Variants in DNAH3 observed in about 807,000 individuals in gnomAD.
DNAH3 encodes the protein axonemal beta dynein heavy chain 3.
In DNAH3, 332 loss-of-function variants were observed where a neutral mutation model predicts 432.5. That is an observed-to-expected ratio of 0.77 (90% CI 0.70 to 0.84). The LOEUF is 0.84. Ranked by LOEUF, DNAH3 falls within the 40% of genes least tolerant of loss-of-function variation. The pLI, the probability that DNAH3 is intolerant of heterozygous loss-of-function variation, is 0.00. For synonymous variants in DNAH3, 1,956 were observed against 1,900.2 expected (o/e 1.03, Z -0.76); for missense variants, 4,861 against 5,114.0 (o/e 0.95, Z 1.51).
At chr16:21,018,729 T>A (rs137943846) in intron 41 of DNAH3, among the ~76,000 whole-genome samples, 5,560 of 152,082 alleles carry the variant, frequency 0.037, 343 homozygotes, top group African/African-American at 0.13. Context: ...ACCCCATCTC[T>A]ACTAAAAATA....
At chr16:21,045,257 T>A (rs900550607) in intron 31 of DNAH3, among the ~76,000 whole-genome samples, 2 of 151,780 alleles carry the variant, frequency 1.3e-5, no homozygotes, top group Admixed American at 1.3e-4. Flanking sequence ...TGGTACCAGT[T>A]CCTCCTTGTA....
chr16:21,054,918 C>G (rs1186230414), intron 27 of DNAH3, among the ~76,000 whole-genome samples: 1 of 151,870 alleles, frequency 6.6e-6, no homozygotes, highest in Non-Finnish European at 1.5e-5. Flanking sequence ...ATTGTGATGG[C>G]CTACACAAAT....
chr16:21,118,839 A>G (rs1371769700), intron 11 of DNAH3, among the ~76,000 whole-genome samples: 1 of 152,170 alleles, frequency 6.6e-6, no homozygotes, highest in African/African-American at 2.4e-5. Context: ...TCTCACTTGC[A>G]TGGCTCATGC....
At chr16:20,966,006 C>A (rs573062336) in intron 52 of DNAH3, among the ~76,000 whole-genome samples, 2 of 141,256 alleles carry the variant, frequency 1.4e-5, no homozygotes, top group African/African-American at 2.8e-5. Context: ...AGCCACCATG[C>A]CCAGCCAATT....
At position 21,029,221 on chromosome 16, in the gene DNAH3, A is replaced by G. The variant is rs138082548; in HGVS notation, c.5439+1824T>C. ...ACATTTCCATTTTTGAATATTATATAATCAAAATTATGCACATGCTATAAT... is the reference window on the plus strand; with the variant it reads ...ACATTTCCATTTTTGAATATTATATGATCAAAATTATGCACATGCTATAAT... On this transcript the variant is annotated intron_variant, in intron 37 of 61. Coordinates refer to ENST00000261383, the Ensembl canonical transcript of DNAH3. 4.1e-3 allele frequency among the ~76,000 whole-genome samples: 629 copies of G among 152,368 alleles called. 5 individuals carry two copies. Among genetic ancestry groups the G allele is most frequent in the African/African-American group, 0.015 (606 of 41,584 alleles).
At chr16:20,962,338 G>T (rs565770134) in intron 53 of DNAH3, among the ~76,000 whole-genome samples, 2 of 152,172 alleles carry the variant, frequency 1.3e-5, no homozygotes, top group Admixed American at 6.5e-5. Flanking sequence ...ACAATTCGTG[G>T]GTCTCACCCC....
At chr16:21,072,814 AATTATTATTATT>A (rs10592697) in intron 21 of DNAH3, among the ~76,000 whole-genome samples, 7 of 146,408 alleles carry the variant, frequency 4.8e-5, no homozygotes, top group Non-Finnish European at 9.0e-5. Context: ...ATACTCAGCT[AATTATTATTATT>A]ATTATTATTA....
intron 11 of DNAH3, among the ~76,000 whole-genome samples, chr16:21,117,779 T>C (rs1422603617): frequency 6.6e-6 from 1 of 152,222 alleles, no homozygotes; most frequent in Non-Finnish European, 1.5e-5. Context: ...TTCACTGTTA[T>C]ATCCCCAGGG....
intron 59 of DNAH3, among the ~76,000 whole-genome samples, chr16:20,938,011 G>A (rs2083658898): frequency 6.6e-6 from 1 of 152,180 alleles, no homozygotes; most frequent in Non-Finnish European, 1.5e-5. Flanking sequence ...CATCTCCAAA[G>A]CTTTATGGAA....
Position 20,997,439 on chromosome 16 carries a change from CTT to C in DNAH3, c.6443_6444del (p.Lys2148ArgfsTer17). 1.9e-6 allele frequency: 3 copies of C among 1,614,116 alleles called. No homozygotes were observed. The highest frequency in any genetic ancestry group is 1.7e-6 in the Non-Finnish European group (2 of 1,179,992). ...ATGGGTGGCTGGGCCCCATACACCTCTTTGGCTGGCATGTTGAGGTCATCTGG... is the reference window on the plus strand; with the variant it reads ...ATGGGTGGCTGGGCCCCATACACCTCTGGCTGGCATGTTGAGGTCATCTGG... On this transcript the variant is annotated frameshift_variant, in exon 44 of 62. Transcript: ENST00000261383. LOFTEE classifies it high-confidence loss of function.
At chr16:21,095,758 G>T (rs574468096) in intron 18 of DNAH3, among the ~76,000 whole-genome samples, 14 of 152,110 alleles carry the variant, frequency 9.2e-5, no homozygotes, top group South Asian at 4.1e-4. Flanking sequence ...AAAACACTTG[G>T]TAATTTATAA....
intron 29 of DNAH3, among the ~76,000 whole-genome samples, 172 bp downstream of exon 29, chr16:21,051,498 T>C (rs1178048159): frequency 1.3e-5 from 2 of 152,228 alleles, no homozygotes; most frequent in Non-Finnish European, 2.9e-5. Flanking sequence ...TGGGTTCTCA[T>C]GTCTAGCCTG....
At chr16:21,092,010 A>T (rs1046065826) in intron 18 of DNAH3, among the ~76,000 whole-genome samples, 1 of 152,166 alleles carries the variant, frequency 6.6e-6, no homozygotes, top group Non-Finnish European at 1.5e-5. Flanking sequence ...GGATAGGAAG[A>T]CTCAATATTG....
At chr16:21,120,959 C>A (rs1479955766) in intron 10 of DNAH3, 4 of 837,884 alleles carry the variant, frequency 4.8e-6, no homozygotes, top group Admixed American at 4.0e-5. Context: ...TCCTCCCACA[C>A]ACCCAGTTTT....
chr16:21,060,694 AT>A (rs1359293196), intron 25 of DNAH3, among the ~76,000 whole-genome samples: 1 of 149,062 alleles, frequency 6.7e-6, no homozygotes, highest in Admixed American at 6.7e-5. Context: ...CGGCTGATGA[AT>A]TTTGTATTTT....
intron 51 of DNAH3, among the ~76,000 whole-genome samples, chr16:20,972,236 CTCTTT>C (rs1278042579): frequency 2.7e-5 from 4 of 147,226 alleles, no homozygotes; most frequent in Admixed American, 6.7e-5. Flanking sequence ...TTTTTTTTCT[CTCTTT>C]TTTTTTTTTT....
chr16:21,145,169 T>G lies in DNAH3; in HGVS notation c.448+12A>C. 3 of 1,603,690 alleles carry G rather than the reference T, an allele frequency of 1.9e-6. No individual in the cohort carries two copies. The highest frequency in any genetic ancestry group is 2.6e-6 in the Non-Finnish European group (3 of 1,173,748). ...GCCCCATTCTGCAAGGGTGTGACAC[T>G]GCCACAAGTACCTGATGATGGCAGC... On this transcript the variant is annotated intron_variant, in intron 3 of 61. Transcript: ENST00000261383.
chr16:21,108,163 C>T (rs913671737), intron 14 of DNAH3, among the ~76,000 whole-genome samples: 1 of 152,310 alleles, frequency 6.6e-6, no homozygotes, highest in Non-Finnish European at 1.5e-5. Flanking sequence ...TAAGCCACTG[C>T]GCCCAGCCCT....
chr16:20,954,222 CAA>C (rs11300288), intron 55 of DNAH3, among the ~76,000 whole-genome samples: 23,204 of 116,524 alleles, frequency 0.2, 2,496 homozygotes, highest in Admixed American at 0.28. Context: ...GACCCTATCT[CAA>C]AAAAAAAAAA....
Sources: gnomAD v4.1 joint callset for allele counts (sites outside exome capture counted in the v4.1 genomes callset) on GRCh38, gnomAD v4.1.1 for gene constraint, MANE v1.5 for transcripts, NCBI Gene and HGNC (gene_info 2026-07-23, HGNC 2026-07-21) for gene names.